PLCG2: variants seen among roughly 807,000 people sequenced by gnomAD.
PLCG2 encodes phospholipase C gamma 2.
Under a neutral mutation model 175.6 loss-of-function variants are expected in PLCG2, and 69 were observed. That is an observed-to-expected ratio of 0.39 (90% confidence interval 0.32 to 0.48). The LOEUF is 0.48. Among genes scored for constraint, PLCG2 ranks in the 20% least tolerant of loss-of-function variants. The pLI, the probability that PLCG2 is intolerant of heterozygous loss-of-function variation, is 0.91. For missense variants in PLCG2, 1,798 were observed against 1,650.9 expected, an observed-to-expected ratio of 1.09 and a Z score of -1.54; for synonymous variants, 827 against 624.0, an observed-to-expected ratio of 1.33 and a Z score of -4.85.
At chr16:81,764,373 C>A (rs1006914414) in intron 2 of PLCG2, among the ~76,000 whole-genome samples, 1 of 152,104 alleles carries the variant, frequency 6.6e-6, no homozygotes, top group Admixed American at 6.6e-5. Flanking sequence ...GAAACCTGGA[C>A]CCCATCTCTC....
intron 21 of PLCG2, 22 bp from the exon 22 acceptor site, chr16:81,923,463 T>C: frequency 3.9e-6 from 6 of 1,534,122 alleles, no homozygotes; most frequent in Non-Finnish European, 5.4e-6. Flanking sequence ...CCTGACCTTT[T>C]CCTTCTTGTT....
chr16:81,914,943 T>C (rs542708551), intron 19 of PLCG2, among the ~76,000 whole-genome samples: 1 of 152,312 alleles, frequency 6.6e-6, no homozygotes, highest in East Asian at 1.9e-4. Context: ...TGAACTTCCC[T>C]GGTCTCTACC....
intron 7 of PLCG2, among the ~76,000 whole-genome samples, chr16:81,880,557 G>C: frequency 6.9e-6 from 1 of 144,162 alleles, no homozygotes; most frequent in Admixed American, 7.0e-5. Flanking sequence ...AGAATAATAT[G>C]TAAAGCTTGA....
At chr16:81,868,023 A>G (rs1199360984) in intron 5 of PLCG2, among the ~76,000 whole-genome samples, 2 of 152,032 alleles carry the variant, frequency 1.3e-5, no homozygotes, top group South Asian at 2.1e-4. Flanking sequence ...CTTCAGCTGA[A>G]CCTCACTATG....
intron 2 of PLCG2, among the ~76,000 whole-genome samples, chr16:81,807,735 T>C (rs751695907): frequency 6.6e-6 from 1 of 152,172 alleles, no homozygotes. Flanking sequence ...GGAAAGAGGT[T>C]TAATTGACTC....
intron 2 of PLCG2, among the ~76,000 whole-genome samples, chr16:81,836,920 G>A (rs573749906): frequency 1.3e-5 from 2 of 152,294 alleles, no homozygotes; most frequent in African/African-American, 4.8e-5. Context: ...ACACGGGCAT[G>A]TACTCAGTGT....
intron 12 of PLCG2, among the ~76,000 whole-genome samples, chr16:81,894,414 G>T (rs1908784568): frequency 6.6e-6 from 1 of 152,218 alleles, no homozygotes; most frequent in Admixed American, 6.5e-5. Flanking sequence ...GGGCAACAGA[G>T]CGAGACTCTG....
chr16:81,916,786 C>G (rs1197480190), intron 19 of PLCG2, among the ~76,000 whole-genome samples: 1 of 152,052 alleles, frequency 6.6e-6, no homozygotes, highest in Non-Finnish European at 1.5e-5. Context: ...TACAGGCATG[C>G]ACCACCATGC....
chr16:81,820,534 C>G (rs777577476), intron 2 of PLCG2, among the ~76,000 whole-genome samples: 2 of 152,204 alleles, frequency 1.3e-5, no homozygotes, highest in Non-Finnish European at 2.9e-5. Flanking sequence ...TTCCAGTGAC[C>G]GAATATACCA....
chr16:81,926,483 G>A (rs979122865), intron 22 of PLCG2, among the ~76,000 whole-genome samples: 1 of 152,226 alleles, frequency 6.6e-6, no homozygotes, highest in African/African-American at 2.4e-5. Flanking sequence ...TGTTGTTAGT[G>A]TTGTTATAAA....
intron 2 of PLCG2, among the ~76,000 whole-genome samples, chr16:81,820,440 C>T (rs1302618492): frequency 5.3e-5 from 8 of 152,098 alleles, no homozygotes; most frequent in Non-Finnish European, 1.0e-4. Flanking sequence ...GTTTTGCATT[C>T]GACTTCTTTT....
At chr16:81,924,972 G>A (rs1910203876) in intron 22 of PLCG2, among the ~76,000 whole-genome samples, 1 of 152,236 alleles carries the variant, frequency 6.6e-6, no homozygotes, top group African/African-American at 2.4e-5. Flanking sequence ...CCCTCACTGG[G>A]CTCCTGTCCC....
intron 2 of PLCG2, among the ~76,000 whole-genome samples, chr16:81,814,017 C>G (rs796766459): frequency 1.3e-5 from 2 of 152,122 alleles, no homozygotes; most frequent in Non-Finnish European, 2.9e-5. Context: ...CTCTCTGAGC[C>G]TTGACCTTGG....
chr16:81,834,879 G>C (rs980156362), intron 2 of PLCG2, among the ~76,000 whole-genome samples: 3 of 152,212 alleles, frequency 2.0e-5, no homozygotes, highest in African/African-American at 7.2e-5. Flanking sequence ...GATTCCTCTT[G>C]GGTGGATGGG....
At chr16:81,863,789 T>C in intron 5 of PLCG2, among the ~76,000 whole-genome samples, 1 of 152,264 alleles carries the variant, frequency 6.6e-6, no homozygotes, top group Non-Finnish European at 1.5e-5. Context: ...ATAAGTAGAA[T>C]GTGCACTTCC....
upstream of PLCG2, among the ~76,000 whole-genome samples, chr16:81,779,091 G>C (rs1265266612): frequency 6.6e-6 from 1 of 152,224 alleles, no homozygotes; most frequent in Non-Finnish European, 1.5e-5. Context: ...GGTTGCCTCA[G>C]TTTCTTCTTT....
At chr16:81,803,009 C>G (rs971318287) in intron 2 of PLCG2, among the ~76,000 whole-genome samples, 1 of 151,990 alleles carries the variant, frequency 6.6e-6, no homozygotes, top group Non-Finnish European at 1.5e-5. Flanking sequence ...GCAGTCACCT[C>G]TACTTTACTT....
At position 81,830,695 on chromosome 16, in the gene PLCG2, A is replaced by T. The variant is rs375014210; in HGVS notation, c.194-23749A>T. Among the ~76,000 whole-genome samples, 15 of 151,834 alleles carry T rather than the reference A, an allele frequency of 9.9e-5. No homozygotes were observed. The East Asian group carries it at 2.5e-3, about 25-fold the overall frequency. ...ATATATATATACACACATATATTTTATATATGTATATATATGAATGAAATG... is the reference window on the plus strand; with the variant it reads ...ATATATATATACACACATATATTTTTTATATGTATATATATGAATGAAATG... On this transcript the variant is annotated intron_variant, in intron 2 of 32. Transcript: ENST00000564138.
At chr16:81,866,236 C>G (rs1182592165) in intron 5 of PLCG2, among the ~76,000 whole-genome samples, 1 of 123,662 alleles carries the variant, frequency 8.1e-6, no homozygotes, top group Non-Finnish European at 1.7e-5. Flanking sequence ...TGGCCTCTCC[C>G]TTGCTCCCAG....
Sources: allele counts gnomAD v4.1 joint callset (sites outside exome capture counted in the v4.1 genomes callset), GRCh38; gene constraint gnomAD v4.1.1; transcripts MANE v1.5; gene names NCBI Gene and HGNC (gene_info 2026-07-23, HGNC 2026-07-21).